GUCY1A2: variants seen among roughly 807,000 people sequenced by gnomAD.
GUCY1A2 encodes the protein guanylate cyclase 1 soluble subunit alpha 2.
Under a neutral mutation model 63.5 loss-of-function variants are expected in GUCY1A2, and 27 were observed. The ratio of observed to expected loss-of-function variants is 0.43; its 90% CI spans 0.31 to 0.59. The LOEUF (loss-of-function observed/expected upper bound fraction) is 0.59. GUCY1A2 is among the 20% of genes least tolerant of loss of function. The pLI, the probability that GUCY1A2 is intolerant of heterozygous loss-of-function variation, is 0.11. For synonymous variants in GUCY1A2, 364 were observed against 343.5 expected (o/e 1.06, Z -0.66); for missense variants, 768 against 913.3 (o/e 0.84, Z 2.05).
At chr11:106,698,251 C>G (rs2135341401) in intron 7 of GUCY1A2, among the ~76,000 whole-genome samples, 1 of 149,932 alleles carries the variant, frequency 6.7e-6, no homozygotes, top group South Asian at 2.1e-4. Flanking sequence ...TCTTGAGCAA[C>G]TGAGACTTTA....
rs776673913 is a variant in GUCY1A2 at position 106,687,720 on chromosome 11, C to T, written c.2028G>A (p.Pro676=). 2.2e-5 allele frequency: 35 copies of T among 1,612,268 alleles called. No homozygotes were observed. The highest frequency in any genetic ancestry group is 1.5e-4 in the Admixed American group (9 of 59,962). The change falls in exon 8 of 8, where the codon CCG becomes CCA. Residue 676 remains proline, a synonymous_variant. Transcript: ENST00000526355. ...LKREESFTFI[P]RSREELPDNF... Reference sequence around the variant, plus strand: ...TGTCTGGAAGCTCTTCACGAGACCGCGGAATGAATGTGAAACTTTCTTCTC... The same window carrying T: ...TGTCTGGAAGCTCTTCACGAGACCGTGGAATGAATGTGAAACTTTCTTCTC...
intron 3 of GUCY1A2, among the ~76,000 whole-genome samples, chr11:106,965,612 T>C (rs1861117612): frequency 6.6e-6 from 1 of 152,196 alleles, no homozygotes; most frequent in Admixed American, 6.5e-5. Context: ...GTAGAAAAGT[T>C]TTATACCTCC....
chr11:106,689,572 T>C (rs12791433), intron 7 of GUCY1A2, among the ~76,000 whole-genome samples: 12,268 of 152,096 alleles, frequency 0.081, 821 homozygotes, highest in African/African-American at 0.16. Context: ...CAGGCATTTC[T>C]GAAAATAAGA....
Position 106,748,879 on chromosome 11 carries a change from G to C in GUCY1A2, c.1836+27560C>G, listed in dbSNP as rs61905176. On this transcript the variant is annotated intron_variant, in intron 6 of 7. Transcript: ENST00000526355. ...GAATAACACAGCGTAGAACAGAATA[G>C]AAAACATCAGACCTCATTGTGCACA... Among the ~76,000 whole-genome samples, 1,269 of 152,122 alleles carry C rather than the reference G, an allele frequency of 8.3e-3. 12 individuals carry two copies. Among genetic ancestry groups the C allele is most frequent in the Non-Finnish European group, 0.014 (934 of 67,970 alleles).
intron 6 of GUCY1A2, among the ~76,000 whole-genome samples, chr11:106,711,841 C>G (rs953425032): frequency 2.0e-5 from 3 of 151,934 alleles, no homozygotes; most frequent in African/African-American, 7.3e-5. Context: ...TTTTTTACCC[C>G]CAGTAGTTTA....
Position 106,677,744 on chromosome 11 carries a change from A to G in GUCY1A2, c.*9805T>C, listed in dbSNP as rs1306276777. On this transcript the variant is annotated 3_prime_UTR_variant, in exon 8 of 8. Coordinates refer to ENST00000526355, the MANE Select transcript of GUCY1A2 (RefSeq NM_000855.3). ...TTAACAGGATTAGACAACAGACCTA[A>G]TTTTGATGTAAGCAAAGTCTGATTT... is the stretch of plus-strand genomic sequence containing the variant. 1 of 209,972 alleles carries G rather than the reference A, an allele frequency of 4.8e-6. No individual in the cohort carries two copies. The highest frequency in any genetic ancestry group is 9.7e-6 in the Non-Finnish European group (1 of 103,298). 13.0% of individuals were successfully genotyped at this position (209,972 alleles called of 1,614,324 possible).
intron 5 of GUCY1A2, among the ~76,000 whole-genome samples, chr11:106,778,750 T>C (rs985016871): frequency 7.9e-5 from 12 of 152,190 alleles, no homozygotes; most frequent in Non-Finnish European, 1.5e-4. Flanking sequence ...ATTTATTAAA[T>C]ATCTCATATT....
At chr11:106,827,238 T>C in intron 4 of GUCY1A2, 1 of 1,545,026 alleles carries the variant, frequency 6.5e-7, no homozygotes, top group Non-Finnish European at 9.0e-7. Context: ...TAGCTTCCTT[T>C]TTCCTTCCTT....
intron 4 of GUCY1A2, among the ~76,000 whole-genome samples, chr11:106,888,640 A>G (rs1859933109): frequency 6.6e-6 from 1 of 152,210 alleles, no homozygotes; most frequent in African/African-American, 2.4e-5. Context: ...TTGTACCACA[A>G]TAAGTGCAAT....
chr11:106,709,324 TATTATATAAATATATATAAATTTATATA>T, intron 6 of GUCY1A2, among the ~76,000 whole-genome samples: 1 of 63,696 alleles, frequency 1.6e-5, no homozygotes, highest in African/African-American at 1.1e-4. Context: ...TATTTATATA[TATTATATAAATATATATAAATTTATATA>T]TTTTATATAA....
intron 6 of GUCY1A2, among the ~76,000 whole-genome samples, chr11:106,749,463 C>T (rs1394040653): frequency 2.0e-5 from 3 of 152,074 alleles, no homozygotes; most frequent in African/African-American, 4.8e-5. Flanking sequence ...GCACCCACCT[C>T]TGAGTTCAGC....
chr11:106,909,355 C>CTCTGTGTGTGTGTGTGTGTGTGTG (rs1555048248), intron 4 of GUCY1A2, among the ~76,000 whole-genome samples: 1 of 119,980 alleles, frequency 8.3e-6, no homozygotes, highest in Non-Finnish European at 1.7e-5. Flanking sequence ...TGGTACTCAT[C>CTCTGTGTGTGTGTGTGTGTGTGTG]TGTGTGTGTG....
In GUCY1A2 at chr11:106,971,258, G is replaced by A. The variant is rs112985220; in HGVS notation, c.487+7361C>T. ...GTGTGTGTGTGTTTAGGAGGTCAAA[G>A]TATCACAGGATGGAAGACTATAATA... is the stretch of plus-strand genomic sequence containing the variant. On this transcript the variant is annotated intron_variant, in intron 3 of 7. Coordinates refer to ENST00000526355, the MANE Select transcript of GUCY1A2 (RefSeq NM_000855.3). Among the ~76,000 whole-genome samples, 515 of 150,730 alleles carry A rather than the reference G, an allele frequency of 3.4e-3. 4 individuals carry two copies. Among genetic ancestry groups the A allele is most frequent in the Non-Finnish European group, 5.8e-3 (392 of 67,778 alleles).
At chr11:106,879,443 G>A (rs1441959877) in intron 4 of GUCY1A2, among the ~76,000 whole-genome samples, 1 of 152,108 alleles carries the variant, frequency 6.6e-6, no homozygotes, top group Non-Finnish European at 1.5e-5. Flanking sequence ...GTTTAGATAT[G>A]GAAGAGTTAA....
At chr11:106,986,324 A>C (rs1861401012) in intron 1 of GUCY1A2, among the ~76,000 whole-genome samples, 193 bp from the exon 2 acceptor site, 2 of 152,198 alleles carry the variant, frequency 1.3e-5, no homozygotes, top group African/African-American at 4.8e-5. Flanking sequence ...GCAATTACCC[A>C]GAACTTCCCA....
At chr11:106,866,970 A>G (rs902787661) in intron 4 of GUCY1A2, among the ~76,000 whole-genome samples, 1 of 152,038 alleles carries the variant, frequency 6.6e-6, no homozygotes, top group African/African-American at 2.4e-5. Context: ...CACAAGCCCT[A>G]GGTACTGCTT....
At chr11:106,944,215 C>CCAAAAAAAAAAA (rs1860792230) in intron 3 of GUCY1A2, among the ~76,000 whole-genome samples, 1 of 21,576 alleles carries the variant, frequency 4.6e-5, no homozygotes, top group African/African-American at 2.3e-4. Context: ...ACCCTGTCTC[C>CCAAAAAAAAAAA]AAAAAAAAAA....
intron 1 of GUCY1A2, among the ~76,000 whole-genome samples, chr11:107,008,010 C>T (rs7941759): frequency 0.41 from 61,488 of 149,250 alleles, 13,967 homozygotes; most frequent in East Asian, 0.51. Context: ...CGGCCTGGTG[C>T]GGTGGCTCAC....
At chr11:106,806,187 A>T (rs1399086587) in intron 5 of GUCY1A2, among the ~76,000 whole-genome samples, 1 of 152,082 alleles carries the variant, frequency 6.6e-6, no homozygotes, top group Non-Finnish European at 1.5e-5. Context: ...TAATATTTAC[A>T]TTTACTACTA....
Sources: allele counts gnomAD v4.1 joint callset (sites outside exome capture counted in the v4.1 genomes callset), GRCh38; gene constraint gnomAD v4.1.1; transcripts MANE v1.5; gene names NCBI Gene and HGNC (gene_info 2026-07-23, HGNC 2026-07-21).